FHIT: variants seen among roughly 807,000 people sequenced by gnomAD.
FHIT encodes the protein bis(5'-adenosyl)-triphosphatase.
FHIT carries 19 observed loss-of-function variants against 17.9 expected under a neutral mutation model. The ratio of observed to expected loss-of-function variants is 1.06; its 90% CI spans 0.74 to 1.56. The LOEUF is 1.56. Ranked by LOEUF, FHIT falls within the 40% of genes most tolerant of loss-of-function variation. FHIT has a pLI of 0.00. For synonymous variants in FHIT, 81 were observed against 69.7 expected, an observed-to-expected ratio of 1.16 and a Z score of -0.81; for missense variants, 248 against 189.2, an observed-to-expected ratio of 1.31 and a Z score of -1.82.
At chr3:60,127,801 T>C (rs533731259) in intron 5 of FHIT, among the ~76,000 whole-genome samples, 9 of 152,164 alleles carry the variant, frequency 5.9e-5, no homozygotes, top group Admixed American at 3.3e-4. Flanking sequence ...GCAGCCAATA[T>C]GTATACATTT....
chr3:60,845,428 C>T (rs1702892430), intron 3 of FHIT, among the ~76,000 whole-genome samples: 1 of 152,032 alleles, frequency 6.6e-6, no homozygotes, highest in South Asian at 2.1e-4. Flanking sequence ...CAACGTCTGG[C>T]TTCTGAGCAG....
At position 60,320,615 on chromosome 3, in the gene FHIT, T is replaced by G. The variant is rs139582449; in HGVS notation, c.103+216245A>C. Among the ~76,000 whole-genome samples, 530 of 152,272 alleles carry G rather than the reference T, an allele frequency of 3.5e-3. 3 individuals are homozygous for G. Among genetic ancestry groups the G allele is most frequent in the African/African-American group, 0.012 (499 of 41,558 alleles). The stretch of plus-strand genomic sequence containing the variant: ...ATGTCACATTCGAATTGGGTAGCAA[T>G]TATCTTCCTGGTATCAATGTCAGAC... On this transcript the variant is annotated intron_variant, in intron 5 of 9. Transcript: ENST00000492590.
At chr3:59,968,338 A>T (rs1559506503) in intron 7 of FHIT, among the ~76,000 whole-genome samples, 1 of 152,068 alleles carries the variant, frequency 6.6e-6, no homozygotes, top group Non-Finnish European at 1.5e-5. Flanking sequence ...TGGCCAGAAA[A>T]AGGGCAGAAA....
intron 5 of FHIT, among the ~76,000 whole-genome samples, chr3:60,232,023 C>T (rs762645948): frequency 8.5e-5 from 13 of 152,130 alleles, no homozygotes; most frequent in Non-Finnish European, 1.9e-4. Flanking sequence ...TTAACTTATA[C>T]ATGCCAATAA....
rs373409499 is a variant in FHIT, at chr3:60,261,449, G to A, written c.104-247297C>T. ...AATTATCACATTCATGAGTCCTGTT[G>A]ATACATTTATTTTACTGTCTAAAAT... On this transcript the variant is annotated intron_variant, in intron 5 of 9. Coordinates refer to ENST00000492590, the MANE Select transcript of FHIT (RefSeq NM_002012.4). Among the ~76,000 whole-genome samples the A allele has an allele frequency of 4.6e-5, 7 of 152,030 alleles. No individual in the cohort carries two copies. In the South Asian group the frequency reaches 1.2e-3, roughly 27 times the overall value.
At chr3:60,238,079 G>C (rs1704903418) in intron 5 of FHIT, among the ~76,000 whole-genome samples, 1 of 150,132 alleles carries the variant, frequency 6.7e-6, no homozygotes, top group South Asian at 2.1e-4. Flanking sequence ...CTTGGAGGCG[G>C]AGGTGGCAGT....
chr3:60,325,774 C>T (rs759818358), intron 5 of FHIT, among the ~76,000 whole-genome samples: 2 of 152,176 alleles, frequency 1.3e-5, no homozygotes, highest in African/African-American at 4.8e-5. Flanking sequence ...CTCTGCCCTG[C>T]CAGCAGGGCA....
intron 3 of FHIT, among the ~76,000 whole-genome samples, chr3:60,970,733 C>A (rs1709969833): frequency 6.6e-6 from 1 of 152,078 alleles, no homozygotes; most frequent in African/African-American, 2.4e-5. Flanking sequence ...TTCATTTAAT[C>A]CACTCTCATT....
chr3:60,099,696 TC>T (rs1297238726), intron 5 of FHIT, among the ~76,000 whole-genome samples: 2 of 152,166 alleles, frequency 1.3e-5, no homozygotes, highest in African/African-American at 4.8e-5. Context: ...ATACAGATGG[TC>T]CCTAACTTCA....
chr3:60,526,742 T>C (rs2035590206), intron 5 of FHIT, among the ~76,000 whole-genome samples: 1 of 152,112 alleles, frequency 6.6e-6, no homozygotes, highest in Non-Finnish European at 1.5e-5. Context: ...AAAGCAATTG[T>C]ACCTCCCTGC....
At chr3:61,122,616 G>A (rs1409283051) in intron 2 of FHIT, among the ~76,000 whole-genome samples, 2 of 152,048 alleles carry the variant, frequency 1.3e-5, no homozygotes, top group Non-Finnish European at 2.9e-5. Flanking sequence ...TCTGACAATG[G>A]GCTAATATCC....
chr3:59,797,000 A>G (rs150414177), intron 8 of FHIT, among the ~76,000 whole-genome samples: 1 of 152,286 alleles, frequency 6.6e-6, no homozygotes, highest in East Asian at 1.9e-4. Flanking sequence ...TTCCCCTGAT[A>G]TTACTTTTAT....
intron 3 of FHIT, among the ~76,000 whole-genome samples, chr3:60,872,509 T>G (rs2107075220): frequency 6.6e-6 from 1 of 152,244 alleles, no homozygotes. Context: ...AGAAAAATTC[T>G]CAAGGAGCAA....
intron 3 of FHIT, among the ~76,000 whole-genome samples, chr3:60,954,554 T>C (rs1331214189): frequency 6.6e-6 from 1 of 152,202 alleles, no homozygotes; most frequent in Non-Finnish European, 1.5e-5. Context: ...CTTTCCAGTT[T>C]GGAGCTCAAT....
chr3:61,178,726 C>A (rs536048229), intron 2 of FHIT, among the ~76,000 whole-genome samples: 24 of 152,040 alleles, frequency 1.6e-4, no homozygotes, highest in African/African-American at 5.1e-4. Flanking sequence ...CTAAGATGAC[C>A]TTTGGAACCC....
intron 4 of FHIT, among the ~76,000 whole-genome samples, chr3:60,543,019 T>G (rs531091847): frequency 6.6e-6 from 1 of 152,200 alleles, no homozygotes; most frequent in African/African-American, 2.4e-5. Context: ...AGTTCCCATA[T>G]ATACACAGGA....
At chr3:60,580,229 T>A (rs2107678418) in intron 4 of FHIT, among the ~76,000 whole-genome samples, 1 of 152,252 alleles carries the variant, frequency 6.6e-6, no homozygotes. Context: ...CAAAATTAGT[T>A]TTTGTGGAAT....
intron 5 of FHIT, among the ~76,000 whole-genome samples, chr3:60,097,319 T>C (rs1703994528): frequency 6.6e-6 from 1 of 151,954 alleles, no homozygotes; most frequent in Non-Finnish European, 1.5e-5. Context: ...CCATGATGGG[T>C]CTAAATAAAA....
At chr3:60,789,288 G>A (rs2108115747) in intron 4 of FHIT, among the ~76,000 whole-genome samples, 1 of 152,030 alleles carries the variant, frequency 6.6e-6, no homozygotes, top group East Asian at 1.9e-4. Context: ...GGAGGCCAAG[G>A]CGGGTAGATC....
Sources: allele counts gnomAD v4.1 joint callset (sites outside exome capture counted in the v4.1 genomes callset), GRCh38; gene constraint gnomAD v4.1.1; transcripts MANE v1.5; gene names NCBI Gene and HGNC (gene_info 2026-07-23, HGNC 2026-07-21).